Variants in TACC1 observed in about 807,000 individuals in gnomAD.
The protein encoded by TACC1 is transforming acidic coiled-coil-containing protein 1.
A neutral mutation model predicts 84.4 loss-of-function variants in TACC1; 48 were observed. The ratio of observed to expected loss-of-function variants is 0.57; its 90% CI spans 0.45 to 0.72. The LOEUF is 0.72. Ranked by LOEUF, TACC1 falls within the 30% of genes least tolerant of loss-of-function variation. TACC1 has a pLI of 0.00. For synonymous variants in TACC1, 372 were observed against 376.3 expected (o/e 0.99, Z 0.13); for missense variants, 920 against 973.0 (o/e 0.95, Z 0.72).
intron 3 of TACC1, among the ~76,000 whole-genome samples, chr8:38,750,727 A>G (rs1431517520): frequency 9.9e-5 from 15 of 152,252 alleles, no homozygotes; most frequent in Non-Finnish European, 2.2e-4. Context: ...ACAATAGCAT[A>G]AAATACTTAG....
chr8:38,745,263 G>C (rs1412737236), exon 3 of TACC1: 1 of 482,856 alleles, frequency 2.1e-6, no homozygotes, highest in Non-Finnish European at 3.7e-6. Flanking sequence ...CCCAGAAACA[G>C]AGCTCGCAGT....
At chr8:38,740,035 T>C (rs1324329795) in intron 1 of TACC1, among the ~76,000 whole-genome samples, 1 of 152,200 alleles carries the variant, frequency 6.6e-6, no homozygotes, top group Non-Finnish European at 1.5e-5. Context: ...CAGAAGGCAC[T>C]AACAGCTGGA....
intron 1 of TACC1, among the ~76,000 whole-genome samples, chr8:38,740,570 GT>G (rs1279046465): frequency 6.6e-6 from 1 of 152,198 alleles, no homozygotes; most frequent in Admixed American, 6.5e-5. Context: ...TAAAAAGTTT[GT>G]GATGATGGGC....
Position 38,753,032 on chromosome 8 carries a change from A to C in TACC1, c.26+7539A>C, listed in dbSNP as rs559118522. ...TTCCATTTCTTTAATAACTTTCATC[A>C]GAGCATAAATTGTGATTGCATAATA... On this transcript the variant is annotated intron_variant, in intron 3 of 14. Transcript: ENST00000518415. Among the ~76,000 whole-genome samples the C allele has an allele frequency of 2.0e-5, 3 of 152,300 alleles. No individual in the cohort carries two copies. In the South Asian group the frequency reaches 6.2e-4, roughly 32 times the overall value.
chr8:38,753,440 GT>G (rs1394119341), intron 3 of TACC1, among the ~76,000 whole-genome samples: 1 of 152,168 alleles, frequency 6.6e-6, no homozygotes, highest in Admixed American at 6.5e-5. Context: ...GCAAGAAAGA[GT>G]TTAAACCCAG....
At position 38,851,890 on chromosome 8, in the gene TACC1, T is replaced by G. The variant is rs150634182; in HGVS notation, c.*3867T>G. The G allele has an allele frequency of 2.2e-6, 1 of 455,802 alleles. No homozygotes were observed. The highest frequency in any genetic ancestry group is 2.0e-5 in the African/African-American group (1 of 50,076). 28.2% of individuals were successfully genotyped at this position (455,802 alleles called of 1,614,324 possible). ...CTAAGAAGTCATCTCCTTCAAATAC[T>G]TTAATAAAGAAGTATTTCGAGGAGA... is the stretch of plus-strand genomic sequence containing the variant. On this transcript the variant is annotated 3_prime_UTR_variant, in exon 13 of 13. Transcript: ENST00000317827.
At chr8:38,835,947 A>G (rs1343858003) in intron 6 of TACC1, among the ~76,000 whole-genome samples, 1 of 152,258 alleles carries the variant, frequency 6.6e-6, no homozygotes, top group Non-Finnish European at 1.5e-5. Context: ...TATCTGCTCA[A>G]CAGAAGCTAA....
At chr8:38,811,988 T>C (rs990092730) in intron 2 of TACC1, among the ~76,000 whole-genome samples, 1 of 152,094 alleles carries the variant, frequency 6.6e-6, no homozygotes, top group Non-Finnish European at 1.5e-5. Flanking sequence ...GGTCTATAAA[T>C]GGCCGCTCTG....
Position 38,843,372 on chromosome 8 carries a change from C to A in TACC1, c.2205C>A (p.Ile735=). 6.2e-7 allele frequency: 1 copy of A among 1,608,126 alleles called. No individual in the cohort carries two copies. Among genetic ancestry groups the A allele is most frequent in the South Asian group, 1.1e-5 (1 of 90,074 alleles). Residue 735 remains isoleucine (I), a synonymous_variant, in exon 11 of 13, where the codon ATC becomes ATA. Coordinates refer to ENST00000317827, the MANE Select transcript of TACC1 (RefSeq NM_006283.3). ...AGCAGCGATACCAGGCCCTGAAAAT[C>A]CACGCAGAAGAGAAACTGGACAAGT... The part of the protein sequence containing the change: ...QEEQRYQALK[I]HAEEKLDKAN...
intron 2 of TACC1, among the ~76,000 whole-genome samples, chr8:38,790,779 C>T (rs1017227950): frequency 6.6e-6 from 1 of 152,204 alleles, no homozygotes; most frequent in Admixed American, 6.5e-5. Flanking sequence ...CCATGCTGTG[C>T]TTACCCAGCT....
chr8:38,837,432 AAAAAT>A (rs1052413360), intron 7 of TACC1, among the ~76,000 whole-genome samples: 6 of 151,842 alleles, frequency 4.0e-5, no homozygotes, highest in Non-Finnish European at 5.9e-5. Flanking sequence ...TCAGAAAAAT[AAAAAT>A]AAAATAAAAG....
At chr8:38,754,945 A>C (rs1391927599) in intron 3 of TACC1, among the ~76,000 whole-genome samples, 2 of 152,178 alleles carry the variant, frequency 1.3e-5, no homozygotes, top group Non-Finnish European at 2.9e-5. Flanking sequence ...GGCGGATCAC[A>C]AGGACAGGAG....
At position 38,732,174 on chromosome 8, in the gene TACC1, A is replaced by G. The variant is rs1418995161; in HGVS notation, c.-675+3503A>G. Among the ~76,000 whole-genome samples the G allele has an allele frequency of 2.6e-4, 34 of 129,884 alleles. No homozygotes were observed. In the Admixed American group the frequency reaches 2.7e-3, roughly 10 times the overall value. 85.2% of individuals were successfully genotyped at this position (129,884 alleles called of 152,430 possible). Reference sequence around the variant, plus strand: ...AAAAGAAGAAAGGAAGGAAGGAAGGAAGGAAGGAAGAGGGAAAGGAAAGGA... The same window carrying G: ...AAAAGAAGAAAGGAAGGAAGGAAGGGAGGAAGGAAGAGGGAAAGGAAAGGA... On this transcript the variant is annotated intron_variant, in intron 1 of 14. Transcript: ENST00000518415.
chr8:38,840,081 AT>A, intron 8 of TACC1, 142 bp from the exon 9 acceptor site: 1 of 318,770 alleles, frequency 3.1e-6, no homozygotes, highest in Non-Finnish European at 5.8e-6. Flanking sequence ...AAAAAAAAAG[AT>A]AACGAGAGCC....
intron 3 of TACC1, among the ~76,000 whole-genome samples, chr8:38,748,959 A>G (rs1041017501): frequency 2.0e-5 from 3 of 152,122 alleles, no homozygotes; most frequent in African/African-American, 7.2e-5. Flanking sequence ...ACATCAATGA[A>G]TTAGAGAACG....
intron 2 of TACC1, among the ~76,000 whole-genome samples, chr8:38,798,465 G>A (rs1587776916): frequency 6.6e-6 from 1 of 152,134 alleles, no homozygotes; most frequent in Non-Finnish European, 1.5e-5. Context: ...TATCTCAGGA[G>A]AACAGCAGTG....
chr8:38,845,626 CTT>C (rs1440694555), intron 11 of TACC1, among the ~76,000 whole-genome samples: 30 of 152,156 alleles, frequency 2.0e-4, no homozygotes, highest in Admixed American at 2.0e-3. Flanking sequence ...TAGTTACAAA[CTT>C]TTTTACATTG....
intron 2 of TACC1, among the ~76,000 whole-genome samples, chr8:38,818,345 T>A (rs1264032460): frequency 6.6e-6 from 1 of 152,258 alleles, no homozygotes; most frequent in Non-Finnish European, 1.5e-5. Flanking sequence ...TCCTTTAAAA[T>A]CATGAGATAT....
intron 2 of TACC1, among the ~76,000 whole-genome samples, chr8:38,793,570 C>T (rs1051299394): frequency 2.0e-5 from 3 of 151,348 alleles, no homozygotes; most frequent in Non-Finnish European, 4.4e-5. Context: ...TAAAAAAAAA[C>T]AAAACAAAAT....
Sources: gnomAD v4.1 joint callset for allele counts (sites outside exome capture counted in the v4.1 genomes callset) on GRCh38, gnomAD v4.1.1 for gene constraint, MANE v1.5 for transcripts, NCBI Gene and HGNC (gene_info 2026-07-23, HGNC 2026-07-21) for gene names.